Variants in DEPDC5 observed in about 807,000 individuals in gnomAD.
DEPDC5 encodes DEP domain containing 5, GATOR1 subcomplex subunit.
Under a neutral mutation model 217.3 loss-of-function variants are expected in DEPDC5, and 73 were observed. The observed-to-expected ratio is 0.34, with a 90% CI of 0.28 to 0.41. The LOEUF (loss-of-function observed/expected upper bound fraction) is 0.41, where lower values mean the gene tolerates loss of function less well. Ranked by LOEUF, DEPDC5 falls within the 10% of genes least tolerant of loss-of-function variation. The probability of loss-of-function intolerance (pLI) is 1.00; values close to 1 mark genes in which losing one functional copy is unlikely to be tolerated. For synonymous variants in DEPDC5, 733 were observed against 756.7 expected, an observed-to-expected ratio of 0.97 and a Z score of 0.51; for missense variants, 1,675 against 2,070.1, an observed-to-expected ratio of 0.81 and a Z score of 3.70.
At chr22:31,843,905 C>T (rs777908428) in intron 29 of DEPDC5, 93 bp downstream of exon 29, 494 of 1,326,288 alleles carry the variant, frequency 3.7e-4, no homozygotes, top group Non-Finnish European at 4.5e-4. Context: ...TCTCTCTCTC[C>T]CTTTTTCTTT....
At chr22:31,878,391 G>A (rs1331001897) in intron 37 of DEPDC5, among the ~76,000 whole-genome samples, 1 of 152,002 alleles carries the variant, frequency 6.6e-6, no homozygotes, top group Non-Finnish European at 1.5e-5. Flanking sequence ...TATATATTCT[G>A]AAATTTGAGG....
intron 41 of DEPDC5, among the ~76,000 whole-genome samples, chr22:31,904,516 G>T (rs1018841980): frequency 2.6e-5 from 4 of 152,214 alleles, no homozygotes; most frequent in African/African-American, 9.6e-5. Flanking sequence ...GCCGAAGCAG[G>T]CGGATCACCT....
At chr22:31,766,773 C>A in intron 6 of DEPDC5, 105 bp downstream of exon 6, 1 of 921,450 alleles carries the variant, frequency 1.1e-6, no homozygotes, top group Non-Finnish European at 1.7e-6. Context: ...TTTATATCAG[C>A]ATCTACAGAC....
At chr22:31,821,428 A>G in intron 22 of DEPDC5, 74 bp from the exon 23 acceptor site, 2 of 1,576,232 alleles carry the variant, frequency 1.3e-6, no homozygotes, top group Non-Finnish European at 1.7e-6. Flanking sequence ...GCTGGAAAGA[A>G]GGGAGAGTAT....
Position 31,802,729 on chromosome 22 carries a change from C to T in DEPDC5, c.972C>T (p.Arg324=). 4 of 1,589,350 alleles carry T rather than the reference C, an allele frequency of 2.5e-6. No individual in the cohort carries two copies. The highest frequency in any genetic ancestry group is 1.4e-5 in the African/African-American group (1 of 73,948). The part of the protein sequence containing the change: ...FNVFDKHYIN[R]NFDRTGQMSV... ...TGTTTGATAAGCACTACATCAACCGCAACTTTGACCGAACTGGGCAGATGT... is the reference window on the plus strand; with the variant it reads ...TGTTTGATAAGCACTACATCAACCGTAACTTTGACCGAACTGGGCAGATGT... Residue 324 remains arginine, a synonymous_variant, in exon 15 of 43, where the codon CGC becomes CGT. Coordinates refer to ENST00000651528, the MANE Select transcript of DEPDC5 (RefSeq NM_001242896.3).
chr22:31,861,133 G>A (rs1602502569), intron 32 of DEPDC5, among the ~76,000 whole-genome samples: 1 of 149,562 alleles, frequency 6.7e-6, no homozygotes, highest in East Asian at 2.0e-4. Context: ...CTAATGCTTC[G>A]CATTTGGATA....
At chr22:31,848,425 A>T (rs760978550) in intron 31 of DEPDC5, among the ~76,000 whole-genome samples, 14 of 152,176 alleles carry the variant, frequency 9.2e-5, no homozygotes, top group Non-Finnish European at 1.8e-4. Context: ...CCCAAACCTC[A>T]GTTCTTGACT....
In DEPDC5 at chr22:31,906,000, G is replaced by A. The variant is rs2093751241; in HGVS notation, c.4453G>A (p.Asp1485Asn). Residue 1485 changes from aspartate to asparagine, a missense_variant, in exon 42 of 43, where the codon GAT becomes AAT. By Grantham distance (23) the Asp-to-Asn change is conservative. Around this residue, in one of 11 missense-constraint regions of DEPDC5, gnomAD observed 182 missense variants for 290.1 expected, o/e 0.63. Coordinates refer to ENST00000651528, the MANE Select transcript of DEPDC5 (RefSeq NM_001242896.3). Reference protein sequence around the residue: ...AIAHRFGFVQDKYSASAFNFP... With the variant: ...AIAHRFGFVQNKYSASAFNFP... ...CTTCCCTAGGTTTGGGTTTGTACAAGATAAATATTCTGCCTCTGCTTTTAA... is the reference window on the plus strand; with the variant it reads ...CTTCCCTAGGTTTGGGTTTGTACAAAATAAATATTCTGCCTCTGCTTTTAA... The A allele has an allele frequency of 6.2e-7, 1 of 1,614,166 alleles. No individual in the cohort carries two copies. The highest frequency in any genetic ancestry group is 8.5e-7 in the Non-Finnish European group (1 of 1,180,016).
chr22:31,860,497 T>C (rs1442827114), intron 32 of DEPDC5, among the ~76,000 whole-genome samples: 1 of 152,038 alleles, frequency 6.6e-6, no homozygotes, highest in Non-Finnish European at 1.5e-5. Context: ...GTAAAAAGAT[T>C]CCGAAAGGAA....
At chr22:31,838,143 T>G (rs544735093) in intron 26 of DEPDC5, among the ~76,000 whole-genome samples, 1 of 152,328 alleles carries the variant, frequency 6.6e-6, no homozygotes, top group Non-Finnish European at 1.5e-5. Flanking sequence ...AATGCAATTA[T>G]TTTGGGCACA....
Position 31,785,081 on chromosome 22 carries a change from A to T in DEPDC5, c.624+206A>T, listed in dbSNP as rs186113251. On this transcript the variant is annotated intron_variant, in intron 10 of 42. Coordinates refer to ENST00000651528, the MANE Select transcript of DEPDC5 (RefSeq NM_001242896.3). ...ATCACACTCAATGGTAAAAGACTGAAAACTTTCCCCCAAGATCAGTAACAA... is the reference window on the plus strand; with the variant it reads ...ATCACACTCAATGGTAAAAGACTGATAACTTTCCCCCAAGATCAGTAACAA... 7 of 491,182 alleles carry T rather than the reference A, an allele frequency of 1.4e-5. No homozygotes were observed. The East Asian group carries it at 2.5e-4, about 17-fold the overall frequency. The allele number at this position is 491,182 out of a possible 1,614,324, so 30.4% of individuals were successfully genotyped here. A position where few individuals can be genotyped will look rare whatever the true frequency, so the allele number is the denominator to read the frequency against.
intron 27 of DEPDC5, among the ~76,000 whole-genome samples, chr22:31,839,179 G>A (rs985033007): frequency 6.6e-6 from 1 of 152,154 alleles, no homozygotes; most frequent in Non-Finnish European, 1.5e-5. Context: ...ATTGTTTCTA[G>A]TACAGTACCT....
intron 24 of DEPDC5, 109 bp from the exon 25 acceptor site, chr22:31,833,806 G>C: frequency 1.2e-6 from 1 of 865,860 alleles, no homozygotes; most frequent in South Asian, 2.2e-5. Context: ...ATTTGCACTT[G>C]GTTTACATTT....
At chr22:31,822,815 G>T (rs1237738688) in intron 24 of DEPDC5, 25 bp downstream of exon 24, 2 of 1,608,856 alleles carry the variant, frequency 1.2e-6, no homozygotes, top group Non-Finnish European at 1.7e-6. Flanking sequence ...AGGTAATAGA[G>T]TTGGGATGTT....
intron 31 of DEPDC5, among the ~76,000 whole-genome samples, chr22:31,857,141 A>T (rs1282731303): frequency 1.3e-5 from 2 of 152,204 alleles, no homozygotes; most frequent in Non-Finnish European, 2.9e-5. Context: ...CAAGAATTTT[A>T]AAAATGGTGT....
At chr22:31,761,967 CA>C (rs776677814) in intron 4 of DEPDC5, among the ~76,000 whole-genome samples, 9,507 of 61,394 alleles carry the variant, frequency 0.15, 949 homozygotes, top group African/African-American at 0.39. Flanking sequence ...GACTCCGGCT[CA>C]AAAAAAAAAA....
chr22:31,801,922 G>A (rs1472652673), intron 14 of DEPDC5, among the ~76,000 whole-genome samples: 1 of 151,684 alleles, frequency 6.6e-6, no homozygotes, highest in Non-Finnish European at 1.5e-5. Flanking sequence ...ATAGAGGCTA[G>A]AAATAAAAAG....
chr22:31,795,504 C>G (rs979445640), intron 12 of DEPDC5, among the ~76,000 whole-genome samples: 11 of 151,958 alleles, frequency 7.2e-5, no homozygotes, highest in African/African-American at 2.7e-4. Flanking sequence ...AGCAATTCTC[C>G]TGCCTCAGCC....
Position 31,804,170 on chromosome 22 carries a change from G to A in DEPDC5, c.1090G>A (p.Val364Met). 1 of 1,614,040 alleles carries A rather than the reference G, an allele frequency of 6.2e-7. No individual in the cohort carries two copies. The highest frequency in any genetic ancestry group is 1.1e-5 in the South Asian group (1 of 91,070). Residue 364 changes from valine to methionine, a missense_variant, in exon 16 of 43, where the codon GTG becomes ATG. By Grantham distance (21) the Val-to-Met change is conservative. This residue lies in a region of DEPDC5 where 628 missense variants were observed against 762.1 expected (regional missense o/e 0.82). Transcript: ENST00000651528. ...KQRMIDNGIG[V>M]DLVCMGEQPL... The stretch of plus-strand genomic sequence containing the variant: ...GTCTTTTCTTTTTTTAGGAATTGGT[G>A]TGGATTTGGTGTGCATGGGAGAGCA...
Sources: gnomAD v4.1 joint callset for allele counts (sites outside exome capture counted in the v4.1 genomes callset) on GRCh38, gnomAD v4.1.1 for gene constraint, gnomAD v4.1.1 regional missense constraint, MANE v1.5 for transcripts, NCBI Gene and HGNC (gene_info 2026-07-23, HGNC 2026-07-21) for gene names.